The following YAF2 variants were observed in gnomAD, a reference collection of about 807,000 sequenced individuals.
The protein encoded by YAF2 is YY1-associated factor 2.
Under a neutral mutation model 20.1 loss-of-function variants are expected in YAF2, and 7 were observed. The ratio of observed to expected loss-of-function variants is 0.35; its 90% CI spans 0.20 to 0.65. The LOEUF (loss-of-function observed/expected upper bound fraction) is 0.65, where lower values mean the gene tolerates loss of function less well. YAF2 is among the 30% of genes least tolerant of loss of function. The pLI is 0.69. For synonymous variants in YAF2, 74 were observed against 76.0 expected, an observed-to-expected ratio of 0.97 and a Z score of 0.14; for missense variants, 151 against 219.2, an observed-to-expected ratio of 0.69 and a Z score of 1.96.
intron 2 of YAF2, among the ~76,000 whole-genome samples, chr12:42,218,665 T>C (rs1176330111): frequency 1.3e-5 from 2 of 152,180 alleles, no homozygotes; most frequent in Admixed American, 6.6e-5. Context: ...CGGGAACCTA[T>C]CTTTTGGGAT....
chr12:42,161,543 T>G (rs2065799744), intron 3 of YAF2, 70 bp downstream of exon 3: 3 of 1,460,104 alleles, frequency 2.1e-6, no homozygotes, highest in Non-Finnish European at 2.7e-6. Flanking sequence ...TGTATATTAG[T>G]ATGTCAAGGT....
intron 2 of YAF2, among the ~76,000 whole-genome samples, chr12:42,222,368 G>C (rs1417281744): frequency 6.6e-6 from 1 of 152,148 alleles, no homozygotes; most frequent in African/African-American, 2.4e-5. Context: ...CAACTAGGAT[G>C]GTTTTATAAA....
chr12:42,191,074 T>C (rs540065546), intron 2 of YAF2, among the ~76,000 whole-genome samples: 8 of 152,320 alleles, frequency 5.3e-5, no homozygotes, highest in African/African-American at 1.9e-4. Context: ...ACAGGCAAAT[T>C]ATATGACTCA....
intron 2 of YAF2, among the ~76,000 whole-genome samples, chr12:42,187,089 GAAT>G (rs935211594): frequency 3.9e-5 from 6 of 152,032 alleles, no homozygotes; most frequent in Non-Finnish European, 2.9e-5. Flanking sequence ...GGTTTATTAT[GAAT>G]AATGATTATT....
intron 2 of YAF2, among the ~76,000 whole-genome samples, chr12:42,216,977 T>C (rs2067374571): frequency 6.6e-6 from 1 of 152,200 alleles, no homozygotes; most frequent in Non-Finnish European, 1.5e-5. Context: ...AGATCTCTCC[T>C]AAACACATCT....
chr12:42,204,038 G>C (rs1201224262), intron 2 of YAF2, among the ~76,000 whole-genome samples: 1 of 152,034 alleles, frequency 6.6e-6, no homozygotes, highest in Non-Finnish European at 1.5e-5. Context: ...CTGCACTACA[G>C]CCTCAACAGC....
At chr12:42,237,860 C>G in intron 1 of YAF2, 136 bp from the exon 2 acceptor site, 2 of 794,090 alleles carry the variant, frequency 2.5e-6, no homozygotes, top group Middle Eastern at 6.2e-4. Flanking sequence ...CTCGGCGCGC[C>G]GCGCTCCGGC....
At chr12:42,211,521 G>C (rs140138004) in intron 2 of YAF2, among the ~76,000 whole-genome samples, 1,581 of 151,294 alleles carry the variant, frequency 0.01, 28 homozygotes, top group African/African-American at 0.037. Flanking sequence ...TGGATCACCT[G>C]AGGTTGGGAG....
At chr12:42,205,373 CTTCTCT>C (rs1056691133) in intron 2 of YAF2, among the ~76,000 whole-genome samples, 11 of 147,328 alleles carry the variant, frequency 7.5e-5, no homozygotes, top group African/African-American at 2.4e-4. Flanking sequence ...GCTGCTGCTT[CTTCTCT>C]TTTTTTTTTT....
intron 2 of YAF2, among the ~76,000 whole-genome samples, chr12:42,209,507 T>C (rs1592007434): frequency 7.5e-6 from 1 of 132,674 alleles, no homozygotes; most frequent in African/African-American, 2.9e-5. Context: ...GAAGTTGCAG[T>C]AGGCCAAGAT....
chr12:42,157,658 T>C lies in YAF2; in HGVS notation c.*2931A>G, dbSNP rs2065731203. ...TTTTTAAATGTTTTCACTTTGTCTA[T>C]TATCCACTATCATTTTAGGAAAGCA... On this transcript the variant is annotated 3_prime_UTR_variant, in exon 4 of 4. Transcript: ENST00000534854. 1 of 152,194 alleles carries C rather than the reference T, an allele frequency of 6.6e-6. No individual in the cohort carries two copies. Among genetic ancestry groups the C allele is most frequent in the Non-Finnish European group, 1.5e-5 (1 of 68,040 alleles). The allele number at this position is 152,194 out of a possible 1,614,324, so 9.4% of individuals were successfully genotyped here. A position where few individuals can be genotyped will look rare whatever the true frequency, so the allele number is the denominator to read the frequency against.
chr12:42,214,142 C>T (rs2067287132), intron 2 of YAF2, among the ~76,000 whole-genome samples: 1 of 152,164 alleles, frequency 6.6e-6, no homozygotes, highest in Non-Finnish European at 1.5e-5. Context: ...GGCATTTTAC[C>T]CACTTGCTCA....
intron 2 of YAF2, among the ~76,000 whole-genome samples, chr12:42,183,731 T>C (rs1054215014): frequency 3.9e-5 from 6 of 152,184 alleles, no homozygotes; most frequent in African/African-American, 1.4e-4. Flanking sequence ...ATACAGAAGA[T>C]CTAGCTAAGA....
chr12:42,168,777 TA>T (rs1274556051), intron 2 of YAF2, among the ~76,000 whole-genome samples: 1 of 152,188 alleles, frequency 6.6e-6, no homozygotes, highest in African/African-American at 2.4e-5. Flanking sequence ...TTTGCACATT[TA>T]CATGTCATTT....
At chr12:42,191,109 T>C (rs1799189226) in intron 2 of YAF2, among the ~76,000 whole-genome samples, 1 of 152,194 alleles carries the variant, frequency 6.6e-6, no homozygotes, top group Non-Finnish European at 1.5e-5. Context: ...TATTTCTTTA[T>C]CACTTTGATG....
Position 42,182,514 on chromosome 12 carries a change from AAC to A in YAF2, c.153-20751_153-20750del, listed in dbSNP as rs2066369741. On this transcript the variant is annotated intron_variant, in intron 2 of 3. Coordinates refer to ENST00000534854, the MANE Select transcript of YAF2 (RefSeq NM_005748.6). Reference sequence around the variant, plus strand: ...TAGAGTGAAACTATAACATAAACTGAACTACAATATCATTGGAAAAGATGAGC... The same window carrying A: ...TAGAGTGAAACTATAACATAAACTGATACAATATCATTGGAAAAGATGAGC... 2.0e-5 allele frequency among the ~76,000 whole-genome samples: 3 copies of A among 152,376 alleles called. No individual in the cohort carries two copies. The South Asian group carries it at 6.2e-4, about 32-fold the overall frequency.
intron 2 of YAF2, chr12:42,235,833 G>C (rs1478879120): frequency 2.0e-6 from 3 of 1,535,804 alleles, no homozygotes; most frequent in Non-Finnish European, 1.7e-6. Context: ...TCTCTGTCCT[G>C]GGCCAACTCC....
chr12:42,163,256 GA>G (rs968967355), intron 2 of YAF2, among the ~76,000 whole-genome samples: 18 of 151,692 alleles, frequency 1.2e-4, no homozygotes, highest in Admixed American at 1.1e-3. Flanking sequence ...GTGGCAGAGT[GA>G]AAAAAAACCA....
At chr12:42,164,176 C>T (rs2065861076) in intron 2 of YAF2, among the ~76,000 whole-genome samples, 1 of 152,128 alleles carries the variant, frequency 6.6e-6, no homozygotes, top group Non-Finnish European at 1.5e-5. Flanking sequence ...TTCACATATG[C>T]CATGATTAGA....
Sources: gnomAD v4.1 joint callset for allele counts (sites outside exome capture counted in the v4.1 genomes callset) on GRCh38, gnomAD v4.1.1 for gene constraint, MANE v1.5 for transcripts, NCBI Gene and HGNC (gene_info 2026-07-23, HGNC 2026-07-21) for gene names.